The following PCDHGB1 variants were observed in gnomAD, a reference collection of about 807,000 sequenced individuals.
The protein encoded by PCDHGB1 is protocadherin gamma-B1.
PCDHGB1 carries 34 observed loss-of-function variants against 56.6 expected under a neutral mutation model. The ratio of observed to expected loss-of-function variants is 0.60; its 90% confidence interval spans 0.46 to 0.80. The LOEUF is 0.80. Ranked by LOEUF, PCDHGB1 falls within the 30% of genes least tolerant of loss-of-function variation. The pLI is 0.00. For missense variants in PCDHGB1, 1,278 were observed against 1,204.6 expected, an observed-to-expected ratio of 1.06 and a Z score of -0.90; for synonymous variants, 561 against 505.9, an observed-to-expected ratio of 1.11 and a Z score of -1.46.
intron 1 of PCDHGB1, chr5:141,403,280 G>GT: frequency 6.2e-7 from 1 of 1,613,894 alleles, no homozygotes; most frequent in Non-Finnish European, 8.5e-7. Flanking sequence ...TAAAGTCCTG[G>GT]TTGAAGACAG....
intron 1 of PCDHGB1, chr5:141,364,929 T>C (rs751043135): frequency 1.9e-6 from 3 of 1,613,810 alleles, no homozygotes; most frequent in African/African-American, 2.7e-5. Context: ...GAACAGCCCC[T>C]AGACCGCGAG....
chr5:141,413,541 G>A, intron 1 of PCDHGB1: 1 of 1,613,904 alleles, frequency 6.2e-7, no homozygotes, highest in Non-Finnish European at 8.5e-7. Flanking sequence ...AACTTTTTGG[G>A]ATAGAAATAG....
At chr5:141,413,383 A>G in intron 1 of PCDHGB1, 1 of 1,613,998 alleles carries the variant, frequency 6.2e-7, no homozygotes, top group Non-Finnish European at 8.5e-7. Context: ...CGGAGTCCGC[A>G]TAGTCTCCAG....
intron 2 of PCDHGB1, among the ~76,000 whole-genome samples, chr5:141,500,768 A>C (rs2099802446): frequency 6.6e-6 from 1 of 152,180 alleles, no homozygotes; most frequent in African/African-American, 2.4e-5. Flanking sequence ...AACTCCTCTT[A>C]TGAATATACA....
At chr5:141,438,396 ACT>A (rs2097958956) in intron 1 of PCDHGB1, among the ~76,000 whole-genome samples, 2 of 150,930 alleles carry the variant, frequency 1.3e-5, no homozygotes, top group African/African-American at 4.9e-5. Context: ...TTCATCATTA[ACT>A]CTCTGAAGTA....
At chr5:141,366,757 T>C in intron 1 of PCDHGB1, 1 of 1,606,518 alleles carries the variant, frequency 6.2e-7, no homozygotes, top group African/African-American at 1.3e-5. Context: ...TTCAGGTTAG[T>C]TTTCTCTTTC....
chr5:141,409,096 A>C, intron 1 of PCDHGB1: 1 of 1,614,074 alleles, frequency 6.2e-7, no homozygotes, highest in African/African-American at 1.3e-5. Context: ...ATGAGAAAAC[A>C]GGTATGATTA....
intron 1 of PCDHGB1, chr5:141,410,388 C>G (rs1312753736): frequency 6.2e-7 from 1 of 1,613,962 alleles, no homozygotes; most frequent in African/African-American, 1.3e-5. Flanking sequence ...TGCTTCCATC[C>G]TGGTCTCTGT....
chr5:141,408,873 CCACCG>C (rs776180805), intron 1 of PCDHGB1: 50 of 1,613,104 alleles, frequency 3.1e-5, no homozygotes, highest in Non-Finnish European at 4.1e-5. Context: ...CCAAGAAGTG[CCACCG>C]CTCACATAGA....
chr5:141,410,827 A>G lies in PCDHGB1; in HGVS notation c.2409+58158A>G. The G allele has an allele frequency of 1.4e-5, 6 of 440,972 alleles. No individual in the cohort carries two copies. The South Asian group carries it at 2.4e-4, about 18-fold the overall frequency. 27.3% of individuals were successfully genotyped at this position (440,972 alleles called of 1,614,324 possible). The stretch of plus-strand genomic sequence containing the variant: ...TCTTTTTGTAAAATAATGTCACCAG[A>G]CTGAAGATATTTTGTCTTTGTCTTT... On this transcript the variant is annotated intron_variant, in intron 1 of 3. Transcript: ENST00000523390.
Position 141,491,415 on chromosome 5 carries a change from G to GGGT in PCDHGB1, c.2410-3389_2410-3387dup. 1 of 1,614,126 alleles carries GGGT rather than the reference G, an allele frequency of 6.2e-7. No individual in the cohort carries two copies. Among genetic ancestry groups the GGGT allele is most frequent in the Non-Finnish European group, 8.5e-7 (1 of 1,180,034 alleles). ...TTCAGGGAAACGCAGACGGGGACGG[G>GGGT]GGTGGAGGGCAGTGCTGCAGGCGCC... On this transcript the variant is annotated intron_variant, in intron 1 of 3. Transcript: ENST00000523390. The surrounding 1 kb of genome is among the most constrained non-coding windows in gnomAD (Gnocchi z 6.9).
chr5:141,487,529 A>G lies in PCDHGB1; in HGVS notation c.2410-7278A>G, dbSNP rs772843725. ...TGCACCCACTCGGAGTGATAGCTTCATGATGGTGAAGTCACCCAGTGCACC... is the reference window on the plus strand; with the variant it reads ...TGCACCCACTCGGAGTGATAGCTTCGTGATGGTGAAGTCACCCAGTGCACC... On this transcript the variant is annotated intron_variant, in intron 1 of 3. Coordinates refer to ENST00000523390, the MANE Select transcript of PCDHGB1 (RefSeq NM_018922.3). The surrounding 1 kb of genome is among the most constrained non-coding windows in gnomAD (Gnocchi z 5.0). The G allele has an allele frequency of 2.0e-5, 32 of 1,614,168 alleles. No individual in the cohort carries two copies. Among genetic ancestry groups the G allele is most frequent in the Non-Finnish European group, 2.5e-5 (29 of 1,180,040 alleles).
chr5:141,414,473 G>C lies in PCDHGB1; in HGVS notation c.2409+61804G>C, dbSNP rs371832510. 50 of 1,613,790 alleles carry C rather than the reference G, an allele frequency of 3.1e-5. No individual in the cohort carries two copies. The highest frequency in any genetic ancestry group is 4.1e-5 in the Non-Finnish European group (48 of 1,179,892). Reference sequence around the variant, plus strand: ...ACAGTGACAGCCACAGATGGGGGAAGTCCTCCTCTATCAACGGAAGCTCAC... The same window carrying C: ...ACAGTGACAGCCACAGATGGGGGAACTCCTCCTCTATCAACGGAAGCTCAC... On this transcript the variant is annotated intron_variant, in intron 1 of 3. Transcript: ENST00000523390.
chr5:141,409,179 G>A, intron 1 of PCDHGB1: 1 of 1,613,988 alleles, frequency 6.2e-7, no homozygotes. Context: ...GACGGAGGTG[G>A]TCTCTCTACC....
At chr5:141,418,599 A>G in intron 1 of PCDHGB1, 1 of 1,614,054 alleles carries the variant, frequency 6.2e-7, no homozygotes, top group South Asian at 1.1e-5. Flanking sequence ...CAGGACGTGT[A>G]CAGGGTTAGC....
intron 1 of PCDHGB1, chr5:141,415,740 G>GTTTTTTTT (rs57426385): frequency 1.3e-4 from 79 of 625,006 alleles, no homozygotes; most frequent in African/African-American, 1.8e-4. Flanking sequence ...GTTTATTAAG[G>GTTTTTTTT]TTTTTTTTTT....
At chr5:141,444,358 A>T (rs2098433774) in intron 1 of PCDHGB1, among the ~76,000 whole-genome samples, 1 of 151,436 alleles carries the variant, frequency 6.6e-6, no homozygotes, top group Non-Finnish European at 1.5e-5. Context: ...TTTAGTAGAG[A>T]CGGGGTTTCT....
chr5:141,356,149 A>G (rs778376727), intron 1 of PCDHGB1: 40 of 1,613,418 alleles, frequency 2.5e-5, no homozygotes, highest in Non-Finnish European at 3.2e-5. Flanking sequence ...ATTCTATGAC[A>G]TAGATGTAGA....
chr5:141,350,979 G>T lies in PCDHGB1; in HGVS notation c.719G>T (p.Ser240Ile), dbSNP rs1242967031. 5.0e-6 allele frequency: 8 copies of T among 1,613,950 alleles called. No individual in the cohort carries two copies. The highest frequency in any genetic ancestry group is 6.8e-6 in the Non-Finnish European group (8 of 1,179,908). ...GCCAATGATAATGCTCCCGTGTTTAGCCAGGAGGTATACAGGGTTAGCCTC... is the reference window on the plus strand; with the variant it reads ...GCCAATGATAATGCTCCCGTGTTTATCCAGGAGGTATACAGGGTTAGCCTC... ...TDANDNAPVFSQEVYRVSLQE... is the reference protein window; with the variant it reads ...TDANDNAPVFIQEVYRVSLQE... Residue 240 changes from serine to isoleucine, a missense_variant, in exon 1 of 4, where the codon AGC (serine) becomes ATC (isoleucine). By Grantham distance (142) the Ser-to-Ile change is moderately radical. Transcript: ENST00000523390.
Sources: allele counts gnomAD v4.1 joint callset (sites outside exome capture counted in the v4.1 genomes callset), GRCh38; gene constraint gnomAD v4.1.1; non-coding constraint Gnocchi (gnomAD v3.1); transcripts MANE v1.5; gene names NCBI Gene and HGNC (gene_info 2026-07-23, HGNC 2026-07-21).